The following PAK3 variants were observed in gnomAD, a reference collection of about 807,000 sequenced individuals.
PAK3 encodes the protein serine/threonine-protein kinase PAK 3.
PAK3 carries 4 observed loss-of-function variants against 41.0 expected under a neutral mutation model. The ratio of observed to expected loss-of-function variants is 0.10; its 90% CI spans 0.05 to 0.22. The LOEUF is 0.22. Among genes scored for constraint, PAK3 ranks in the 10% least tolerant of loss-of-function variants. PAK3 has a pLI of 1.00. For synonymous variants in PAK3, 146 were observed against 139.6 expected (o/e 1.05, Z -0.32); for missense variants, 205 against 409.9 (o/e 0.50, Z 4.32).
intron 1 of PAK3, among the ~76,000 whole-genome samples, chrX:110,977,905 A>G (rs771185866): frequency 1.8e-5 from 2 of 111,864 alleles, no homozygotes; most frequent in Non-Finnish European, 3.8e-5. Context: ...TTCTTGCATA[A>G]TTGTCCTGGC....
intron 1 of PAK3, among the ~76,000 whole-genome samples, chrX:111,050,376 A>G (rs1161271676): frequency 8.9e-6 from 1 of 112,179 alleles, no homozygotes; most frequent in Non-Finnish European, 1.9e-5. Context: ...AGCTATAAAG[A>G]AAGTTATCAC....
intron 14 of PAK3, 34 bp from the exon 15 acceptor site, chrX:111,195,808 G>A: frequency 1.2e-6 from 1 of 858,158 alleles, no homozygotes; most frequent in Non-Finnish European, 1.7e-6. Flanking sequence ...AATTATTTGT[G>A]ATATAATTAG....
chrX:111,130,609 A>G (rs1197767140), intron 5 of PAK3, among the ~76,000 whole-genome samples: 2 of 111,686 alleles, frequency 1.8e-5, no homozygotes, highest in African/African-American at 3.3e-5. Context: ...CTTCCCAACT[A>G]TATGCTTTTG....
rs751193261 is a variant in PAK3 at position 111,226,182 on chromosome X, A to G, written c.*5735A>G. On this transcript the variant is annotated 3_prime_UTR_variant, in exon 18 of 18. Transcript: ENST00000372007. The stretch of plus-strand genomic sequence containing the variant: ...CAAGAGTGAAACTTCGTCTCCAAAA[A>G]AAAAAACTCAAGCAAATGAAGTTCA... The G allele has an allele frequency of 9.0e-6, 1 of 111,649 alleles. No homozygotes were observed. Among genetic ancestry groups the G allele is most frequent in the African/African-American group, 3.3e-5 (1 of 30,725 alleles). The allele number at this position is 111,649 out of a possible 1,213,427, so 9.2% of individuals were successfully genotyped here.
intron 10 of PAK3, among the ~76,000 whole-genome samples, chrX:111,167,042 ATAAGTT>A (rs1381056087): frequency 6.2e-5 from 7 of 112,050 alleles, no homozygotes; most frequent in Admixed American, 1.9e-4. Context: ...TGAGGACTAA[ATAAGTT>A]AAAGTATATA....
At chrX:111,179,005 A>G (rs1436019649) in intron 11 of PAK3, among the ~76,000 whole-genome samples, 9 of 102,138 alleles carry the variant, frequency 8.8e-5, no homozygotes, top group African/African-American at 2.2e-4. Flanking sequence ...CTGTATATCT[A>G]TATATCTATA....
intron 1 of PAK3, among the ~76,000 whole-genome samples, chrX:111,020,268 A>G: frequency 8.9e-6 from 1 of 112,254 alleles, no homozygotes; most frequent in Middle Eastern, 4.6e-3. Flanking sequence ...AACTTTGAAG[A>G]CATTATGCTA....
chrX:111,212,937 G>T (rs186209123), intron 16 of PAK3, among the ~76,000 whole-genome samples: 122 of 112,054 alleles, frequency 1.1e-3, no homozygotes, highest in African/African-American at 3.8e-3. Flanking sequence ...TTTTCTTACC[G>T]CATGCATTTT....
At chrX:111,086,592 C>A (rs1210572101) in intron 1 of PAK3, among the ~76,000 whole-genome samples, 4 of 111,371 alleles carry the variant, frequency 3.6e-5, no homozygotes. Context: ...ATCTACCAAT[C>A]CCATTTACAA....
chrX:111,209,226 AG>A (rs1374496889), intron 16 of PAK3, among the ~76,000 whole-genome samples: 1 of 111,629 alleles, frequency 9.0e-6, no homozygotes, highest in Non-Finnish European at 1.9e-5. Context: ...GCAGTGGTCA[AG>A]AGCATGAACT....
intron 17 of PAK3, among the ~76,000 whole-genome samples, chrX:111,219,203 A>AATAATG (rs1375705557): frequency 3.3e-5 from 3 of 90,357 alleles, no homozygotes; most frequent in Non-Finnish European, 6.0e-5. Context: ...TAATAATAAT[A>AATAATG]ATAATAATAA....
At chrX:111,101,531 C>T (rs2093137716) in intron 3 of PAK3, among the ~76,000 whole-genome samples, 1 of 111,906 alleles carries the variant, frequency 8.9e-6, no homozygotes, top group Non-Finnish European at 1.9e-5. Flanking sequence ...GGTGTGTTCT[C>T]CTTCTCTTAC....
intron 1 of PAK3, among the ~76,000 whole-genome samples, chrX:111,029,615 G>A (rs1187104380): frequency 2.7e-5 from 3 of 111,942 alleles, no homozygotes; most frequent in Non-Finnish European, 5.6e-5. Context: ...TGCATCATCT[G>A]TTTAAAAGAT....
chrX:111,143,646 C>G (rs987984567), intron 6 of PAK3, among the ~76,000 whole-genome samples: 1 of 110,748 alleles, frequency 9.0e-6, no homozygotes, highest in African/African-American at 3.3e-5. Flanking sequence ...ATCATCACCA[C>G]CAGAAAAAAA....
At chrX:111,141,993 A>G in intron 5 of PAK3, 103 bp from the exon 6 acceptor site, 1 of 556,564 alleles carries the variant, frequency 1.8e-6, no homozygotes. Flanking sequence ...TGTTGGAATC[A>G]ATTGTCTTTC....
chrX:111,122,134 T>A (rs1214250059), intron 4 of PAK3, among the ~76,000 whole-genome samples: 1 of 106,444 alleles, frequency 9.4e-6, no homozygotes, highest in African/African-American at 3.4e-5. Flanking sequence ...TGGGTGCCTG[T>A]AGTCCCAGCT....
At chrX:111,033,730 G>A in intron 1 of PAK3, among the ~76,000 whole-genome samples, 1 of 111,347 alleles carries the variant, frequency 9.0e-6, no homozygotes, top group Admixed American at 9.6e-5. Context: ...CTTTTAAGGA[G>A]TCTGTTAAAA....
chrX:111,185,724 T>C (rs771109455), intron 11 of PAK3, among the ~76,000 whole-genome samples: 2 of 111,430 alleles, frequency 1.8e-5, no homozygotes, highest in African/African-American at 3.3e-5. Context: ...CATTGGTCTA[T>C]GTTTCTGTTT....
rs575054676 is a variant in PAK3, at chrX:110,990,777, T to C, written c.-28+46149T>C. On this transcript the variant is annotated intron_variant, in intron 1 of 14. Transcript: ENST00000425146. ...GTAGTGGCTCTCAGATTATTGCTTA[T>C]CCAGCTTTTTCACTGGCCTAAAACA... Among the ~76,000 whole-genome samples, 3 of 111,066 alleles carry C rather than the reference T, an allele frequency of 2.7e-5. No homozygotes were observed. The South Asian group carries it at 1.2e-3, about 44-fold the overall frequency.
Sources: gnomAD v4.1 joint callset for allele counts (sites outside exome capture counted in the v4.1 genomes callset) on GRCh38, gnomAD v4.1.1 for gene constraint, MANE v1.5 for transcripts, NCBI Gene and HGNC (gene_info 2026-07-23, HGNC 2026-07-21) for gene names.